The following ATP11A variants were observed in gnomAD, a reference collection of about 807,000 sequenced individuals.
ATP11A encodes the protein ATPase phospholipid transporting 11A.
A neutral mutation model predicts 154.4 loss-of-function variants in ATP11A; 81 were observed. The ratio of observed to expected loss-of-function variants is 0.52; its 90% CI spans 0.44 to 0.63. ATP11A has a LOEUF of 0.63. Ranked by LOEUF, ATP11A falls within the 30% of genes least tolerant of loss-of-function variation. ATP11A has a pLI of 0.00. For synonymous variants in ATP11A, 623 were observed against 585.9 expected (o/e 1.06, Z -0.91); for missense variants, 1,316 against 1,474.3 (o/e 0.89, Z 1.76).
intron 25 of ATP11A, among the ~76,000 whole-genome samples, chr13:112,865,538 G>GT (rs1028523065): frequency 1.6e-4 from 25 of 151,934 alleles, no homozygotes; most frequent in South Asian, 8.3e-4. Context: ...TCCTGCTGAA[G>GT]TTTTTTTTTG....
intron 2 of ATP11A, among the ~76,000 whole-genome samples, 197 bp from the exon 3 acceptor site, chr13:112,804,760 A>C (rs1362229984): frequency 6.6e-6 from 1 of 152,146 alleles, no homozygotes; most frequent in African/African-American, 2.4e-5. Flanking sequence ...GGTAATTTAC[A>C]TACGTGTTTC....
chr13:112,836,085 C>T, intron 15 of ATP11A, 93 bp from the exon 16 acceptor site: 1 of 912,686 alleles, frequency 1.1e-6, no homozygotes, highest in Non-Finnish European at 1.7e-6. Context: ...CAGGGCTGCC[C>T]CAGCCATTCT....
At position 112,763,514 on chromosome 13, in the gene ATP11A, T is replaced by C. The variant is rs1019176575; in HGVS notation, c.40-21621T>C. 4.6e-5 allele frequency among the ~76,000 whole-genome samples: 7 copies of C among 152,226 alleles called. No homozygotes were observed. The East Asian group carries it at 1.3e-3, about 29-fold the overall frequency. On this transcript the variant is annotated intron_variant, in intron 1 of 29. Transcript: ENST00000375645. Reference sequence around the variant, plus strand: ...ATATTTTGAAATGGCCCCTCACAGCTGTCTCTTGTGGGGGAAATTTGCATT... The same window carrying C: ...ATATTTTGAAATGGCCCCTCACAGCCGTCTCTTGTGGGGGAAATTTGCATT...
At chr13:112,869,719 C>G (rs1268339125) in intron 25 of ATP11A, among the ~76,000 whole-genome samples, 1 of 152,242 alleles carries the variant, frequency 6.6e-6, no homozygotes, top group Non-Finnish European at 1.5e-5. Flanking sequence ...CACCACTTGG[C>G]TGAAAGCATC....
At chr13:112,871,171 A>G (rs1342301762) in intron 25 of ATP11A, among the ~76,000 whole-genome samples, 4 of 152,158 alleles carry the variant, frequency 2.6e-5, no homozygotes, top group African/African-American at 7.2e-5. Flanking sequence ...ATTTACTCGC[A>G]GAACGTTCCC....
rs557778258 is a variant in ATP11A, at chr13:112,761,061, C to T, written c.40-24074C>T. Among the ~76,000 whole-genome samples, 10 of 152,334 alleles carry T rather than the reference C, an allele frequency of 6.6e-5. No individual in the cohort carries two copies. In the East Asian group the frequency reaches 7.7e-4, roughly 12 times the overall value. ...TGAAACCTGGCTCCGCCTGCTCCAT[C>T]GCTCCAGGGACTGAACCCTCCCTTC... On this transcript the variant is annotated intron_variant, in intron 1 of 29. Coordinates refer to ENST00000375645, the MANE Select transcript of ATP11A (RefSeq NM_015205.3).
At chr13:112,741,308 G>T (rs1207405617) in intron 1 of ATP11A, among the ~76,000 whole-genome samples, 1 of 151,684 alleles carries the variant, frequency 6.6e-6, no homozygotes, top group Non-Finnish European at 1.5e-5. Context: ...GTAGTCGGGA[G>T]GGTTGGGCAG....
chr13:112,883,234 G>T lies in ATP11A; in HGVS notation c.*1368G>T. 1 of 398,680 alleles carries T rather than the reference G, an allele frequency of 2.5e-6. No homozygotes were observed. The highest frequency in any genetic ancestry group is 4.4e-6 in the Non-Finnish European group (1 of 226,120). The allele number at this position is 398,680 out of a possible 1,614,324, so 24.7% of individuals were successfully genotyped here. A position where few individuals can be genotyped will look rare whatever the true frequency, so the allele number is the denominator to read the frequency against. On this transcript the variant is annotated 3_prime_UTR_variant, in exon 30 of 30. Transcript: ENST00000375645. ...GATCTGTCCAGCGCTGCTCTGGGTG[G>T]GTTAGCAACCCCAGGGCTGCTGTGA...
intron 24 of ATP11A, among the ~76,000 whole-genome samples, chr13:112,862,040 G>C (rs1566585813): frequency 6.6e-6 from 1 of 152,046 alleles, no homozygotes; most frequent in African/African-American, 2.4e-5. Context: ...TCAGGCGTAA[G>C]GTGTCACAGC....
chr13:112,821,893 C>G (rs1018112336), intron 8 of ATP11A, among the ~76,000 whole-genome samples: 1 of 152,194 alleles, frequency 6.6e-6, no homozygotes, highest in Non-Finnish European at 1.5e-5. Context: ...AGCTGACAGT[C>G]CTTATAACAC....
intron 28 of ATP11A, among the ~76,000 whole-genome samples, chr13:112,876,290 T>A (rs898012392): frequency 6.6e-6 from 1 of 152,170 alleles, no homozygotes; most frequent in Non-Finnish European, 1.5e-5. Context: ...ATGGTAAATC[T>A]GGCTGGAAAC....
rs1389997855 is a variant in ATP11A, at chr13:112,753,966, G to T, written c.40-31169G>T. On this transcript the variant is annotated intron_variant, in intron 1 of 29. Coordinates refer to ENST00000375645, the MANE Select transcript of ATP11A (RefSeq NM_015205.3). The surrounding 1 kb of genome is among the most constrained non-coding windows in gnomAD (Gnocchi z 4.1). ...TTGAGCTCATTACGTGGACACCGCTGCCTCTGAAGCTGGTTCTGCCACACG... is the reference window on the plus strand; with the variant it reads ...TTGAGCTCATTACGTGGACACCGCTTCCTCTGAAGCTGGTTCTGCCACACG... 6.6e-6 allele frequency among the ~76,000 whole-genome samples: 1 copy of T among 152,232 alleles called. No homozygotes were observed. Among genetic ancestry groups the T allele is most frequent in the African/African-American group, 2.4e-5 (1 of 41,456 alleles).
rs113994459 is a variant in ATP11A, at chr13:112,799,841, T to C, written c.163-5116T>C. ...AAAGAATAGAAATCATACCAAGTAC[T>C]CTTTCAGACCACAGTAGAATTAAAC... On this transcript the variant is annotated intron_variant, in intron 2 of 29. Transcript: ENST00000375645. Among the ~76,000 whole-genome samples the C allele has an allele frequency of 2.9e-3, 446 of 152,298 alleles. 3 individuals are homozygous for C. Among genetic ancestry groups the C allele is most frequent in the African/African-American group, 0.01 (428 of 41,550 alleles).
At chr13:112,840,572 C>T (rs954270487) in intron 16 of ATP11A, among the ~76,000 whole-genome samples, 2 of 150,026 alleles carry the variant, frequency 1.3e-5, no homozygotes, top group Non-Finnish European at 3.0e-5. Context: ...CCTCAGCCTC[C>T]GTCCTCCCCC....
chr13:112,880,729 G>T, intron 29 of ATP11A: 1 of 1,195,226 alleles, frequency 8.4e-7, no homozygotes, highest in South Asian at 1.5e-5. Flanking sequence ...GCTGTGCTGT[G>T]CTGTCTTTGA....
Position 112,882,238 on chromosome 13 carries a change from G to T in ATP11A, c.*372G>T. ...TGGGCATTCGGCTCAACGCAGGAGGGACATTCTGCTGGCCCACCCTGCGCG... is the reference window on the plus strand; with the variant it reads ...TGGGCATTCGGCTCAACGCAGGAGGTACATTCTGCTGGCCCACCCTGCGCG... On this transcript the variant is annotated 3_prime_UTR_variant, in exon 30 of 30. Transcript: ENST00000375645. This position sits in a 1 kb window ranked among gnomAD's most constrained non-coding sequence, Gnocchi z 5.1. The T allele has an allele frequency of 2.5e-6, 2 of 793,650 alleles. No homozygotes were observed. The highest frequency in any genetic ancestry group is 3.6e-6 in the Non-Finnish European group (2 of 562,662). 49.2% of individuals were successfully genotyped at this position (793,650 alleles called of 1,614,324 possible). A position where few individuals can be genotyped will look rare whatever the true frequency, so the allele number is the denominator to read the frequency against.
chr13:112,770,403 G>A lies in ATP11A; in HGVS notation c.40-14732G>A, dbSNP rs189212928. On this transcript the variant is annotated intron_variant, in intron 1 of 29. Coordinates refer to ENST00000375645, the MANE Select transcript of ATP11A (RefSeq NM_015205.3). ...TGAAAATACCTGAGATTTGTTTGAG[G>A]AAGAAAAGAAAAAAGGAAGGAGAGA... Among the ~76,000 whole-genome samples the A allele has an allele frequency of 2.6e-5, 4 of 152,174 alleles. No individual in the cohort carries two copies. The East Asian group carries it at 7.7e-4, about 29-fold the overall frequency.
rs2076752232 is a variant in ATP11A at position 112,753,759 on chromosome 13, A to T, written c.40-31376A>T. Reference sequence around the variant, plus strand: ...TAATAATGGAGCAATAAAGTGAGTCACATAAAAAAAATAATGGAGACAGTG... The same window carrying T: ...TAATAATGGAGCAATAAAGTGAGTCTCATAAAAAAAATAATGGAGACAGTG... On this transcript the variant is annotated intron_variant, in intron 1 of 29. Transcript: ENST00000375645. This position sits in a 1 kb window ranked among gnomAD's most constrained non-coding sequence, Gnocchi z 4.1. Among the ~76,000 whole-genome samples the T allele has an allele frequency of 6.9e-6, 1 of 145,254 alleles. No homozygotes were observed. Among genetic ancestry groups the T allele is most frequent in the South Asian group, 2.1e-4 (1 of 4,726 alleles).
At chr13:112,876,021 G>A (rs897876716) in intron 28 of ATP11A, 80 bp downstream of exon 28, 11 of 1,487,970 alleles carry the variant, frequency 7.4e-6, no homozygotes, top group East Asian at 2.3e-5. Context: ...TTGAAAGACA[G>A]TGTGAAAGGT....
Sources: allele counts gnomAD v4.1 joint callset (sites outside exome capture counted in the v4.1 genomes callset), GRCh38; gene constraint gnomAD v4.1.1; non-coding constraint Gnocchi (gnomAD v3.1); transcripts MANE v1.5; gene names NCBI Gene and HGNC (gene_info 2026-07-23, HGNC 2026-07-21).